MAPDA: variants seen among roughly 807,000 people sequenced by gnomAD.
MAPDA encodes the protein N6-Methyl-AMP deaminase.
chr15:43,337,046 A>G, the MAPDA span, among the ~76,000 whole-genome samples: 3 of 151,858 alleles, frequency 2.0e-5, no homozygotes, highest in Non-Finnish European at 4.4e-5. Context: ...AGGTGGGCGG[A>G]TCACAAGGTC....
At chr15:43,334,208 A>G in the MAPDA span, among the ~76,000 whole-genome samples, 21 of 152,168 alleles carry the variant, frequency 1.4e-4, no homozygotes, top group African/African-American at 4.1e-4. Context: ...AACTGAAGCC[A>G]TGAAGGTGAG....
At chr15:43,341,079 C>A in the MAPDA span, among the ~76,000 whole-genome samples, 12 of 152,294 alleles carry the variant, frequency 7.9e-5, no homozygotes, top group Non-Finnish European at 1.6e-4. Context: ...CTGAGATCCT[C>A]CTTCTATAAG....
chr15:43,331,815 AG>A, the MAPDA span: 1 of 152,238 alleles, frequency 6.6e-6, no homozygotes, highest in Non-Finnish European at 1.5e-5. Flanking sequence ...TATACTTTCG[AG>A]GAGCTTAACT....
chr15:43,335,694 A>G, the MAPDA span: 1 of 1,605,320 alleles, frequency 6.2e-7, no homozygotes, highest in Non-Finnish European at 8.5e-7. Flanking sequence ...TGTATCTCTT[A>G]GGAACTTCAT....
At chr15:43,333,793 C>A in the MAPDA span, among the ~76,000 whole-genome samples, 1 of 152,206 alleles carries the variant, frequency 6.6e-6, no homozygotes, top group Non-Finnish European at 1.5e-5. Context: ...GTTCCAAATA[C>A]ATGGAAACTG....
chr15:43,351,671 A>G, the MAPDA span: 1,607 of 1,360,134 alleles, frequency 1.2e-3, 2 homozygotes, highest in Middle Eastern at 4.2e-3. Flanking sequence ...AAATAGGAAA[A>G]TAGACTCTAA....
the MAPDA span, among the ~76,000 whole-genome samples, chr15:43,339,354 A>C: frequency 6.6e-6 from 1 of 152,208 alleles, no homozygotes; most frequent in African/African-American, 2.4e-5. Context: ...CTTACATTAT[A>C]ATAAGTTCAT....
chr15:43,352,855 A>G, the MAPDA span: 5 of 152,106 alleles, frequency 3.3e-5, no homozygotes, highest in Non-Finnish European at 7.3e-5. Flanking sequence ...TGATTGTCCC[A>G]TCGGTACTAG....
At chr15:43,342,073 A>T in the MAPDA span, among the ~76,000 whole-genome samples, 4 of 152,130 alleles carry the variant, frequency 2.6e-5, no homozygotes, top group East Asian at 7.7e-4. Context: ...TCCTGACCTC[A>T]GGTGATCGGC....
chr15:43,349,199 A>G, the MAPDA span: 1 of 1,431,958 alleles, frequency 7.0e-7, no homozygotes, highest in South Asian at 1.6e-5. Flanking sequence ...CTTATTTAAA[A>G]CAGAAAGCTT....
the MAPDA span, among the ~76,000 whole-genome samples, chr15:43,332,691 C>T: frequency 1.3e-5 from 2 of 152,072 alleles, no homozygotes; most frequent in Non-Finnish European, 2.9e-5. Flanking sequence ...TCTAAGACAC[C>T]ACAGTGCCTG....
At chr15:43,351,965 C>T in the MAPDA span, 1 of 1,540,874 alleles carries the variant, frequency 6.5e-7, no homozygotes, top group African/African-American at 1.4e-5. Context: ...AGGTGAACTA[C>T]TTCTGAGTAT....
chr15:43,351,123 G>A, the MAPDA span: 5 of 1,318,580 alleles, frequency 3.8e-6, no homozygotes, highest in Non-Finnish European at 5.3e-6. Context: ...CTAGCTGACT[G>A]CCTTGCATGC....
At chr15:43,344,736 G>C in the MAPDA span, among the ~76,000 whole-genome samples, 2 of 151,430 alleles carry the variant, frequency 1.3e-5, no homozygotes, top group Non-Finnish European at 2.9e-5. Flanking sequence ...AACCCGGGAG[G>C]TGGAGGTTGC....
the MAPDA span, chr15:43,351,911 G>A: frequency 5.2e-6 from 8 of 1,551,290 alleles, no homozygotes; most frequent in Non-Finnish European, 7.0e-6. Flanking sequence ...AGGAAGAAAT[G>A]GAATCACCTG....
At chr15:43,332,958 G>T in the MAPDA span, among the ~76,000 whole-genome samples, 1 of 152,142 alleles carries the variant, frequency 6.6e-6, no homozygotes, top group Admixed American at 6.5e-5. Context: ...TTTAGGCAAG[G>T]AACAACAATT....
At chr15:43,347,113 T>C in the MAPDA span, 7 of 1,597,940 alleles carry the variant, frequency 4.4e-6, no homozygotes, top group East Asian at 1.6e-4. Context: ...AATATTGTCT[T>C]AGGCTAGAAG....
chr15:43,352,114 T>G, the MAPDA span: 1 of 550,266 alleles, frequency 1.8e-6, no homozygotes, highest in South Asian at 4.6e-5. Context: ...TGTCTTCAAC[T>G]GACTCACAAG....
At chr15:43,347,857 C>T in the MAPDA span, among the ~76,000 whole-genome samples, 1 of 152,118 alleles carries the variant, frequency 6.6e-6, no homozygotes, top group Non-Finnish European at 1.5e-5. Context: ...TCTTTCATGT[C>T]TATAAGCAGA....
Sources: allele counts gnomAD v4.1 joint callset (sites outside exome capture counted in the v4.1 genomes callset), GRCh38; gene constraint gnomAD v4.1.1; transcripts MANE v1.5; gene names NCBI Gene and HGNC (gene_info 2026-07-23, HGNC 2026-07-21).